ENTPD1: variants seen among roughly 807,000 people sequenced by gnomAD.
The protein encoded by ENTPD1 is ectonucleoside triphosphate diphosphohydrolase 1, also known as ATP diphosphohydrolase.
ENTPD1 carries 33 observed loss-of-function variants against 57.0 expected under a neutral mutation model. That is an observed-to-expected ratio of 0.58 (90% confidence interval 0.44 to 0.77). The LOEUF is 0.77. Ranked by LOEUF, ENTPD1 falls within the 30% of genes least tolerant of loss-of-function variation. The pLI, the probability that ENTPD1 is intolerant of heterozygous loss-of-function variation, is 0.00. For synonymous variants in ENTPD1, 202 were observed against 218.8 expected (o/e 0.92, Z 0.68); for missense variants, 501 against 603.4 (o/e 0.83, Z 1.78).
chr10:95,746,777 A>G (rs2098006528), intron 1 of ENTPD1, among the ~76,000 whole-genome samples: 1 of 152,196 alleles, frequency 6.6e-6, no homozygotes. Flanking sequence ...AAGCAGATGG[A>G]ATGAGAAGAG....
chr10:95,752,637 C>T (rs2098013912), upstream of ENTPD1, among the ~76,000 whole-genome samples: 1 of 152,096 alleles, frequency 6.6e-6, no homozygotes, highest in African/African-American at 2.4e-5. Flanking sequence ...TGCACTCCAG[C>T]CTGGGCAATA....
intron 7 of ENTPD1, 69 bp from the exon 8 acceptor site, chr10:95,860,400 G>A: frequency 7.8e-7 from 1 of 1,283,314 alleles, no homozygotes; most frequent in Non-Finnish European, 1.1e-6. Context: ...AAGGGATGCG[G>A]CCTTTAGGAG....
chr10:95,700,570 C>T, the ENTPD1 span, among the ~76,000 whole-genome samples: 1 of 151,920 alleles, frequency 6.6e-6, no homozygotes, highest in African/African-American at 2.4e-5. Flanking sequence ...TGCCTATAGT[C>T]CTAGCTGCAC....
intron 1 of ENTPD1, among the ~76,000 whole-genome samples, chr10:95,797,320 A>G (rs1223142933): frequency 1.3e-5 from 2 of 152,106 alleles, no homozygotes; most frequent in Non-Finnish European, 2.9e-5. Context: ...GGTGACTAGC[A>G]TTATAAATTT....
At chr10:95,730,255 A>G (rs1474075294) in intron 1 of ENTPD1, among the ~76,000 whole-genome samples, 3 of 150,750 alleles carry the variant, frequency 2.0e-5, no homozygotes, top group African/African-American at 7.3e-5. Flanking sequence ...AGGTCCCGCC[A>G]TGTTGCCCAG....
chr10:95,704,874 G>T, the ENTPD1 span, among the ~76,000 whole-genome samples: 2 of 148,354 alleles, frequency 1.3e-5, no homozygotes, highest in Non-Finnish European at 3.0e-5. Flanking sequence ...ATATATATAT[G>T]TATATATATG....
At chr10:95,848,976 G>T (rs907426723) in intron 7 of ENTPD1, among the ~76,000 whole-genome samples, 1 of 152,158 alleles carries the variant, frequency 6.6e-6, no homozygotes, top group Admixed American at 6.5e-5. Context: ...TCAAATGTTA[G>T]AAGGAGGAGG....
chr10:95,858,721 T>G (rs1361924732), intron 7 of ENTPD1, among the ~76,000 whole-genome samples: 1 of 152,176 alleles, frequency 6.6e-6, no homozygotes, highest in African/African-American at 2.4e-5. Flanking sequence ...CTCGACTTCC[T>G]AGAGGAATGA....
chr10:95,753,222 T>G (rs2098014948), upstream of ENTPD1: 1 of 152,236 alleles, frequency 6.6e-6, no homozygotes, highest in African/African-American at 2.4e-5. Flanking sequence ...AAAGACGATT[T>G]ATTTTTTAAG....
intron 1 of ENTPD1, among the ~76,000 whole-genome samples, chr10:95,741,863 G>A (rs2098000683): frequency 6.6e-6 from 1 of 152,102 alleles, no homozygotes. Flanking sequence ...ATCTTTTTCT[G>A]TTTTCCTATT....
At chr10:95,854,990 C>G (rs2098451977) in intron 7 of ENTPD1, among the ~76,000 whole-genome samples, 1 of 152,072 alleles carries the variant, frequency 6.6e-6, no homozygotes, top group Admixed American at 6.6e-5. Flanking sequence ...CCTGGATATC[C>G]TTGTTAACTT....
At chr10:95,824,467 G>A (rs2098366471) in intron 2 of ENTPD1, among the ~76,000 whole-genome samples, 1 of 152,236 alleles carries the variant, frequency 6.6e-6, no homozygotes, top group Admixed American at 6.5e-5. Context: ...GTGGTGCTGT[G>A]TACAGCAGTC....
intron 1 of ENTPD1, among the ~76,000 whole-genome samples, chr10:95,744,620 CAAA>C (rs35460146): frequency 9.2e-5 from 13 of 140,804 alleles, no homozygotes; most frequent in Non-Finnish European, 9.3e-5. Flanking sequence ...GACTCTGTCT[CAAA>C]AAAAAAAAAA....
rs2098424435 is a variant in ENTPD1 at position 95,842,377 on chromosome 10, A to G, written c.296A>G (p.Asn99Ser). The change falls in exon 4 of 10, where the codon AAT becomes AGT. Residue 99 changes from asparagine to serine, a missense_variant. By Grantham distance (46) the Asn-to-Ser change is conservative. Coordinates refer to ENST00000371205, the MANE Select transcript of ENTPD1 (RefSeq NM_001776.6). ...ATCTCAAAATTTGTTCAGAAAGTAAATGAAATAGGCATTTACCTGACTGAT... is the reference window on the plus strand; with the variant it reads ...ATCTCAAAATTTGTTCAGAAAGTAAGTGAAATAGGCATTTACCTGACTGAT... ...PGISKFVQKVNEIGIYLTDCM... is the reference protein window; with the variant it reads ...PGISKFVQKVSEIGIYLTDCM... 6.2e-7 allele frequency: 1 copy of G among 1,613,996 alleles called. No individual in the cohort carries two copies. Among genetic ancestry groups the G allele is most frequent in the Admixed American group, 1.7e-5 (1 of 60,000 alleles).
chr10:95,768,740 C>T (rs745414099), intron 1 of ENTPD1, among the ~76,000 whole-genome samples: 10 of 152,090 alleles, frequency 6.6e-5, no homozygotes, highest in African/African-American at 9.7e-5. Context: ...AAAAAACAAA[C>T]GATTTCCATC....
chr10:95,698,291 G>T, the ENTPD1 span, among the ~76,000 whole-genome samples: 1 of 152,224 alleles, frequency 6.6e-6, no homozygotes, highest in Non-Finnish European at 1.5e-5. Flanking sequence ...GCCAAATATA[G>T]AAGGAGCTAC....
chr10:95,827,672 C>T (rs566625692), intron 2 of ENTPD1, among the ~76,000 whole-genome samples: 17 of 152,016 alleles, frequency 1.1e-4, no homozygotes, highest in East Asian at 7.8e-4. Context: ...TTAGTAGAGA[C>T]GGGGTTTCAC....
chr10:95,701,708 A>C, the ENTPD1 span, among the ~76,000 whole-genome samples: 1 of 152,194 alleles, frequency 6.6e-6, no homozygotes, highest in Non-Finnish European at 1.5e-5. Flanking sequence ...ATGAAGAGAA[A>C]AAAGGCAAAG....
chr10:95,776,269 G>A (rs924481471), intron 1 of ENTPD1, among the ~76,000 whole-genome samples: 5 of 152,164 alleles, frequency 3.3e-5, no homozygotes, highest in African/African-American at 1.2e-4. Context: ...TTTTGCAGTG[G>A]TTGCTACCGG....
Sources: gnomAD v4.1 joint callset for allele counts (sites outside exome capture counted in the v4.1 genomes callset) on GRCh38, gnomAD v4.1.1 for gene constraint, MANE v1.5 for transcripts, NCBI Gene and HGNC (gene_info 2026-07-23, HGNC 2026-07-21) for gene names.